FILIP1L: variants seen among roughly 807,000 people sequenced by gnomAD.
FILIP1L encodes the protein filamin A interacting protein 1 like, also known as filamin A-interacting protein 1-like.
A neutral mutation model predicts 96.6 loss-of-function variants in FILIP1L; 55 were observed. The ratio of observed to expected loss-of-function variants is 0.57; its 90% CI spans 0.46 to 0.71. The LOEUF (loss-of-function observed/expected upper bound fraction) is 0.71, where lower values mean the gene tolerates loss of function less well. Ranked by LOEUF, FILIP1L falls within the 30% of genes least tolerant of loss-of-function variation. FILIP1L has a pLI of 0.00. For missense variants in FILIP1L, 1,304 were observed against 1,321.2 expected, an observed-to-expected ratio of 0.99 and a Z score of 0.20; for synonymous variants, 467 against 473.9, an observed-to-expected ratio of 0.99 and a Z score of 0.19.
chr3:100,101,935 A>G (rs1332266303), intron 1 of FILIP1L, among the ~76,000 whole-genome samples: 2 of 152,078 alleles, frequency 1.3e-5, no homozygotes, highest in South Asian at 2.1e-4. Flanking sequence ...CCATGTCCCT[A>G]CAAAGGACAT....
chr3:99,958,738 G>A (rs1185138022), intron 1 of FILIP1L, among the ~76,000 whole-genome samples: 2 of 152,200 alleles, frequency 1.3e-5, no homozygotes, highest in African/African-American at 4.8e-5. Flanking sequence ...GAACAGCAGT[G>A]TGGATCATGG....
chr3:99,861,510 T>C (rs755240016), intron 4 of FILIP1L, among the ~76,000 whole-genome samples: 7 of 152,166 alleles, frequency 4.6e-5, no homozygotes, highest in Non-Finnish European at 8.8e-5. Flanking sequence ...ATGCTTTCAT[T>C]GTTTATCATT....
chr3:99,848,181 T>TGAAC (rs1411522363), intron 5 of FILIP1L, 114 bp downstream of exon 5: 1 of 1,539,616 alleles, frequency 6.5e-7, no homozygotes, highest in African/African-American at 1.4e-5. Flanking sequence ...AAAGTACGAG[T>TGAAC]TCAGTCAGTC....
chr3:100,015,911 TG>T (rs1710325506), intron 1 of FILIP1L, among the ~76,000 whole-genome samples: 1 of 152,342 alleles, frequency 6.6e-6, no homozygotes, highest in East Asian at 1.9e-4. Flanking sequence ...GCTCAAAAAT[TG>T]TTTTTTTAAA....
intron 5 of FILIP1L, among the ~76,000 whole-genome samples, chr3:99,846,681 G>A (rs1943378778): frequency 6.6e-6 from 1 of 152,190 alleles, no homozygotes; most frequent in African/African-American, 2.4e-5. Flanking sequence ...CGTCACCATG[G>A]AAGTGTTTCT....
At chr3:99,977,447 G>A (rs902342285) in intron 1 of FILIP1L, among the ~76,000 whole-genome samples, 1 of 152,166 alleles carries the variant, frequency 6.6e-6, no homozygotes, top group Non-Finnish European at 1.5e-5. Flanking sequence ...ATGGGCAATA[G>A]AAGTGGAGTC....
chr3:100,012,875 G>A lies in FILIP1L; in HGVS notation c.-10-81845C>T, dbSNP rs1710201880. On this transcript the variant is annotated intron_variant, in intron 1 of 5. Coordinates refer to ENST00000477258, the MANE Select transcript of FILIP1L (RefSeq NM_001387850.1). ...TGCAGCTTCCACCTCCCAGGCTCAA[G>A]CAGTCCTCCCATCTCAGCCTCCTAA... Among the ~76,000 whole-genome samples, 3 of 150,884 alleles carry A rather than the reference G, an allele frequency of 2.0e-5. No homozygotes were observed. The South Asian group carries it at 6.3e-4, about 32-fold the overall frequency.
intron 1 of FILIP1L, among the ~76,000 whole-genome samples, chr3:99,962,262 G>A (rs1038162769): frequency 1.3e-5 from 2 of 152,126 alleles, no homozygotes; most frequent in African/African-American, 2.4e-5. Context: ...GAAATGCTAG[G>A]GCAGAAACCA....
chr3:100,021,915 T>TTG (rs61704772), intron 1 of FILIP1L, among the ~76,000 whole-genome samples: 1,874 of 105,774 alleles, frequency 0.018, 8 homozygotes, highest in Non-Finnish European at 0.022. Flanking sequence ...CTAGATCCCA[T>TTG]TGTGTGTGTG....
intron 4 of FILIP1L, among the ~76,000 whole-genome samples, chr3:99,909,531 T>A (rs932481789): frequency 6.6e-6 from 1 of 152,174 alleles, no homozygotes; most frequent in Admixed American, 6.5e-5. Flanking sequence ...ACATAATCAT[T>A]CATGGCAAGG....
At chr3:99,832,141 T>G (rs1282251368) in intron 5 of FILIP1L, among the ~76,000 whole-genome samples, 1 of 152,240 alleles carries the variant, frequency 6.6e-6, no homozygotes, top group Non-Finnish European at 1.5e-5. Context: ...GTTTTCTAGG[T>G]AACTCCATTT....
At chr3:99,859,887 GTC>G (rs1559663457) in intron 4 of FILIP1L, among the ~76,000 whole-genome samples, 1 of 152,080 alleles carries the variant, frequency 6.6e-6, no homozygotes, top group Admixed American at 6.6e-5. Flanking sequence ...GCTGTGACCC[GTC>G]TTTTTTATTC....
At chr3:99,948,651 AAGAG>A (rs1364849523) in intron 1 of FILIP1L, among the ~76,000 whole-genome samples, 2 of 148,124 alleles carry the variant, frequency 1.4e-5, no homozygotes, top group East Asian at 2.0e-4. Context: ...GGGAGAAAGA[AAGAG>A]GGGAAGGGAA....
chr3:99,896,045 A>G (rs1183510259), intron 4 of FILIP1L, among the ~76,000 whole-genome samples: 1 of 152,160 alleles, frequency 6.6e-6, no homozygotes, highest in Non-Finnish European at 1.5e-5. Flanking sequence ...ATAAAGCATG[A>G]GTCATGGATG....
At position 99,849,444 on chromosome 3, in the gene FILIP1L, T is replaced by A; in HGVS notation, c.2232A>T (p.Ser744=). The A allele has an allele frequency of 6.2e-7, 1 of 1,614,166 alleles. No individual in the cohort carries two copies. The change falls in exon 5 of 6, where the codon TCA becomes TCT. Residue 744 remains serine, a synonymous_variant. Transcript: ENST00000477258. ...DLICHLQGDH[S]VLQKKLNQQE... ...GTTGATTTAGTTTTTTTTGCAGGAC[T>A]GAGTGATCTCCCTGGAGGTGACATA...
chr3:99,833,333 A>T lies in FILIP1L; in HGVS notation c.3382-2728T>A. On this transcript the variant is annotated intron_variant, in intron 5 of 5. Transcript: ENST00000477258. ...AATTCTAAAAGTGTTGGTTTGTTTT[A>T]TCCATAGATTCTCAAAAGAAACCTA... 2.3e-6 allele frequency: 3 copies of T among 1,324,676 alleles called. No homozygotes were observed. The South Asian group carries it at 3.8e-5, about 17-fold the overall frequency. 82.1% of individuals were successfully genotyped at this position (1,324,676 alleles called of 1,614,324 possible).
intron 3 of FILIP1L, among the ~76,000 whole-genome samples, chr3:99,926,956 C>T (rs930009327): frequency 6.6e-6 from 1 of 152,170 alleles, no homozygotes; most frequent in Non-Finnish European, 1.5e-5. Flanking sequence ...TCACTGACAG[C>T]ATGATTTTTC....
At chr3:100,076,343 T>A (rs1390131392) in intron 1 of FILIP1L, among the ~76,000 whole-genome samples, 1 of 152,218 alleles carries the variant, frequency 6.6e-6, no homozygotes, top group Admixed American at 6.5e-5. Context: ...AAAGCCAAAG[T>A]CCAGGTGCTT....
intron 1 of FILIP1L, among the ~76,000 whole-genome samples, chr3:99,967,022 A>G (rs747157030): frequency 5.9e-5 from 9 of 152,140 alleles, no homozygotes; most frequent in African/African-American, 9.7e-5. Flanking sequence ...TTGGATCCCT[A>G]TTGAGAAGAA....
Sources: gnomAD v4.1 joint callset for allele counts (sites outside exome capture counted in the v4.1 genomes callset) on GRCh38, gnomAD v4.1.1 for gene constraint, MANE v1.5 for transcripts, NCBI Gene and HGNC (gene_info 2026-07-23, HGNC 2026-07-21) for gene names.